Variants in ZNF560 observed in about 807,000 individuals in gnomAD.
ZNF560 encodes the protein zinc finger protein 560.
In ZNF560, 54 loss-of-function variants were observed where a neutral mutation model predicts 81.8. The ratio of observed to expected loss-of-function variants is 0.66; its 90% CI spans 0.53 to 0.83. ZNF560 has a LOEUF of 0.83. Among genes scored for constraint, ZNF560 ranks in the 40% least tolerant of loss-of-function variants. The pLI is 0.00. For synonymous variants in ZNF560, 321 were observed against 317.9 expected (o/e 1.01, Z -0.10); for missense variants, 940 against 932.4 (o/e 1.01, Z -0.11).
intron 2 of ZNF560, among the ~76,000 whole-genome samples, chr19:9,489,372 C>G (rs2073434797): frequency 6.6e-6 from 1 of 151,456 alleles, no homozygotes; most frequent in Non-Finnish European, 1.5e-5. Context: ...GGGTGGTGGC[C>G]AGGCAGAGGT....
Position 9,471,277 on chromosome 19 carries a change from T to A in ZNF560, c.321+19A>T, listed in dbSNP as rs370692414. 6.5e-7 allele frequency: 1 copy of A among 1,534,338 alleles called. No individual in the cohort carries two copies. The highest frequency in any genetic ancestry group is 8.8e-7 in the Non-Finnish European group (1 of 1,134,342). ...TTCTCTGAGTGTGAAAAATAAGAAA[T>A]ACCCTTTCTTAACATTACCATTTGT... is the stretch of plus-strand genomic sequence containing the variant. On this transcript the variant is annotated intron_variant, in intron 6 of 9. Transcript: ENST00000301480.
chr19:9,462,947 A>G (rs1452159712), downstream of ZNF560, among the ~76,000 whole-genome samples: 13 of 152,182 alleles, frequency 8.5e-5, no homozygotes, highest in South Asian at 2.1e-4. Context: ...TGAAAAGTAG[A>G]AAAAAACCTT....
chr19:9,484,307 A>C (rs1376494064), intron 2 of ZNF560, among the ~76,000 whole-genome samples: 1 of 151,858 alleles, frequency 6.6e-6, no homozygotes, highest in Non-Finnish European at 1.5e-5. Flanking sequence ...AAAAAAAGAA[A>C]CAGAAGAACT....
At chr19:9,463,341 C>T (rs1198704987), downstream of ZNF560, among the ~76,000 whole-genome samples, 1 of 152,116 alleles carries the variant, frequency 6.6e-6, no homozygotes, top group Non-Finnish European at 1.5e-5. Context: ...CTTAGTGATA[C>T]ATCACTATTA....
the ZNF560 span, among the ~76,000 whole-genome samples, chr19:9,451,295 A>C: frequency 6.6e-6 from 1 of 152,214 alleles, no homozygotes; most frequent in Admixed American, 6.5e-5. Flanking sequence ...CCAATGGATC[A>C]AGGTTAAAAA....
At position 9,477,785 on chromosome 19, in the gene ZNF560, G is replaced by A. The variant is rs576095859; in HGVS notation, c.-56-2416C>T. On this transcript the variant is annotated intron_variant, in intron 2 of 9. Transcript: ENST00000301480. ...GGTTCTTACAAATCAAATGAAAAAC[G>A]CAATTGAGATCATCAACAGTAGAGA... is the stretch of plus-strand genomic sequence containing the variant. Among the ~76,000 whole-genome samples the A allele has an allele frequency of 2.8e-4, 43 of 151,866 alleles. 1 individual carries two copies. The highest frequency in any genetic ancestry group is 8.0e-4 in the African/African-American group (33 of 41,370).
intron 2 of ZNF560, among the ~76,000 whole-genome samples, chr19:9,487,864 T>C (rs1450981381): frequency 6.6e-6 from 1 of 152,186 alleles, no homozygotes; most frequent in East Asian, 1.9e-4. Flanking sequence ...TTTTAAAATG[T>C]ACAATGTATT....
chr19:9,471,414 T>A (rs1421456128), intron 5 of ZNF560, 36 bp from the exon 6 acceptor site: 8 of 1,404,526 alleles, frequency 5.7e-6, no homozygotes, highest in African/African-American at 4.7e-5. Context: ...TTTTTTTTTT[T>A]TTAAAAAAAA....
chr19:9,455,077 C>A, the ZNF560 span, among the ~76,000 whole-genome samples: 18 of 152,076 alleles, frequency 1.2e-4, no homozygotes, highest in African/African-American at 4.3e-4. Flanking sequence ...GCCCTCAGTT[C>A]TATTCAGGCA....
At chr19:9,450,900 C>T in the ZNF560 span, among the ~76,000 whole-genome samples, 3 of 152,052 alleles carry the variant, frequency 2.0e-5, 1 homozygote, top group African/African-American at 7.2e-5. Flanking sequence ...ACAATAACCA[C>T]AAAATAAAAT....
chr19:9,468,725 C>CTTTTTTT (rs3068756), intron 9 of ZNF560, among the ~76,000 whole-genome samples: 12 of 123,044 alleles, frequency 9.8e-5, no homozygotes, highest in Non-Finnish European at 1.2e-4. Context: ...CTGCTGATTT[C>CTTTTTTT]TTTTTTTTTT....
intron 2 of ZNF560, among the ~76,000 whole-genome samples, chr19:9,488,057 G>A (rs749367279): frequency 6.6e-6 from 1 of 152,104 alleles, no homozygotes; most frequent in Non-Finnish European, 1.5e-5. Flanking sequence ...TGGGTCATGG[G>A]GGTAGATCTC....
At chr19:9,455,019 C>G in the ZNF560 span, among the ~76,000 whole-genome samples, 9 of 151,992 alleles carry the variant, frequency 5.9e-5, no homozygotes, top group African/African-American at 1.7e-4. Context: ...GGACACTGAG[C>G]AAAAAGTAGT....
chr19:9,499,576 T>A (rs7250949), upstream of ZNF560, among the ~76,000 whole-genome samples: 11 of 152,182 alleles, frequency 7.2e-5, no homozygotes, highest in Non-Finnish European at 1.3e-4. Context: ...CAAAGCCTCC[T>A]GTACTACTTT....
the ZNF560 span, among the ~76,000 whole-genome samples, chr19:9,461,157 T>G: frequency 2.0e-5 from 3 of 152,172 alleles, no homozygotes; most frequent in Non-Finnish European, 2.9e-5. Flanking sequence ...CACAATATAA[T>G]CCTAATTACA....
intron 2 of ZNF560, among the ~76,000 whole-genome samples, chr19:9,490,807 G>A (rs2073460143): frequency 6.6e-6 from 1 of 152,142 alleles, no homozygotes; most frequent in African/African-American, 2.4e-5. Flanking sequence ...AGTCACCACA[G>A]GGGAGATTCA....
At chr19:9,479,869 G>A (rs1379733296) in intron 2 of ZNF560, among the ~76,000 whole-genome samples, 1 of 152,030 alleles carries the variant, frequency 6.6e-6, no homozygotes, top group East Asian at 1.9e-4. Flanking sequence ...GGTATCCACA[G>A]GTGGGGGAGG....
At chr19:9,447,508 A>G in the ZNF560 span, among the ~76,000 whole-genome samples, 1 of 140,950 alleles carries the variant, frequency 7.1e-6, no homozygotes, top group Non-Finnish European at 1.6e-5. Context: ...AAAATAAGAA[A>G]TAAACATCTT....
chr19:9,457,500 CAT>C, the ZNF560 span, among the ~76,000 whole-genome samples: 1 of 152,206 alleles, frequency 6.6e-6, no homozygotes, highest in African/African-American at 2.4e-5. Flanking sequence ...TGAACCTACT[CAT>C]AAAAGATTTT....
Sources: allele counts gnomAD v4.1 joint callset (sites outside exome capture counted in the v4.1 genomes callset), GRCh38; gene constraint gnomAD v4.1.1; transcripts MANE v1.5; gene names NCBI Gene and HGNC (gene_info 2026-07-23, HGNC 2026-07-21).